NRXN1: variants seen among roughly 807,000 people sequenced by gnomAD.
NRXN1 encodes the protein neurexin-1.
A neutral mutation model predicts 150.9 loss-of-function variants in NRXN1; 39 were observed. That is an observed-to-expected ratio of 0.26 (90% CI 0.20 to 0.34). NRXN1 has a LOEUF of 0.34. Ranked by LOEUF, NRXN1 falls within the 10% of genes least tolerant of loss-of-function variation. NRXN1 has a pLI of 1.00. For synonymous variants in NRXN1, 924 were observed against 757.0 expected (o/e 1.22, Z -3.62); for missense variants, 1,815 against 1,949.9 (o/e 0.93, Z 1.30).
intron 2 of NRXN1, among the ~76,000 whole-genome samples, chr2:51,002,181 CTT>C (rs1700159737): frequency 6.6e-6 from 1 of 151,994 alleles, no homozygotes; most frequent in African/African-American, 2.4e-5. Context: ...ACCTTGTATG[CTT>C]TTCTCTTGTT....
chr2:49,923,475 T>G (rs547732368), intron 22 of NRXN1, among the ~76,000 whole-genome samples: 1 of 152,336 alleles, frequency 6.6e-6, no homozygotes, highest in South Asian at 2.1e-4. Context: ...AATCTCATGA[T>G]TCCATATATA....
intron 5 of NRXN1, among the ~76,000 whole-genome samples, chr2:50,916,279 G>T (rs535035590): frequency 2.9e-4 from 44 of 150,958 alleles, no homozygotes; most frequent in African/African-American, 7.7e-4. Flanking sequence ...AACACAAAGA[G>T]GGACAATATT....
chr2:50,590,100 A>C (rs1210827732), intron 8 of NRXN1, among the ~76,000 whole-genome samples: 1 of 152,236 alleles, frequency 6.6e-6, no homozygotes, highest in African/African-American at 2.4e-5. Flanking sequence ...ATAAATGAAG[A>C]CAATATGTAA....
intron 5 of NRXN1, among the ~76,000 whole-genome samples, chr2:50,905,540 T>C (rs974472772): frequency 4.6e-4 from 70 of 152,126 alleles, no homozygotes; most frequent in African/African-American, 1.5e-3. Flanking sequence ...CACATTTGTG[T>C]TGCAGCCACA....
At chr2:50,132,797 A>G (rs745582378) in intron 18 of NRXN1, among the ~76,000 whole-genome samples, 1 of 151,830 alleles carries the variant, frequency 6.6e-6, no homozygotes, top group Non-Finnish European at 1.5e-5. Context: ...CTGTGTGTAT[A>G]GAGAATAGTC....
intron 5 of NRXN1, among the ~76,000 whole-genome samples, chr2:50,688,807 C>T (rs1248668544): frequency 1.3e-5 from 2 of 151,954 alleles, no homozygotes; most frequent in East Asian, 1.9e-4. Flanking sequence ...CTGATTATAC[C>T]ATCAGTCCAA....
chr2:50,176,834 C>T (rs572688226), intron 18 of NRXN1, among the ~76,000 whole-genome samples: 1 of 152,072 alleles, frequency 6.6e-6, no homozygotes, highest in Non-Finnish European at 1.5e-5. Context: ...CATTAAGGCT[C>T]TGTTTCCTAG....
chr2:50,743,581 G>C lies in NRXN1; in HGVS notation c.833-119966C>G, dbSNP rs554505490. ...TGTTTTCCAGAAATCCAATGAGAAA[G>C]GTAATTTGCAGATGAAAAGAAAATG... On this transcript the variant is annotated intron_variant, in intron 5 of 22. Coordinates refer to ENST00000401669, the MANE Select transcript of NRXN1 (RefSeq NM_001330078.2). Among the ~76,000 whole-genome samples, 8 of 152,186 alleles carry C rather than the reference G, an allele frequency of 5.3e-5. 1 individual carries two copies. In the South Asian group the frequency reaches 1.5e-3, roughly 28 times the overall value.
At chr2:50,969,895 A>G (rs1164931947) in intron 2 of NRXN1, among the ~76,000 whole-genome samples, 1 of 152,184 alleles carries the variant, frequency 6.6e-6, no homozygotes, top group Non-Finnish European at 1.5e-5. Flanking sequence ...TAAAGAGGAA[A>G]TTGTCCACTT....
At chr2:50,492,751 A>T (rs2091329675) in intron 15 of NRXN1, among the ~76,000 whole-genome samples, 1 of 152,230 alleles carries the variant, frequency 6.6e-6, no homozygotes, top group Non-Finnish European at 1.5e-5. Flanking sequence ...ATGTGACTTC[A>T]GCCCAGGGCT....
chr2:49,924,155 G>A (rs1018338152), intron 22 of NRXN1, among the ~76,000 whole-genome samples: 1 of 152,138 alleles, frequency 6.6e-6, no homozygotes, highest in Non-Finnish European at 1.5e-5. Flanking sequence ...TCATTTTACA[G>A]AGCATTCTTT....
At chr2:50,868,757 G>A (rs1271093519) in intron 5 of NRXN1, among the ~76,000 whole-genome samples, 1 of 151,666 alleles carries the variant, frequency 6.6e-6, no homozygotes, top group African/African-American at 2.4e-5. Flanking sequence ...TTTCCATGTT[G>A]GCAATAGTTC....
At chr2:50,415,672 G>T (rs1172029833) in intron 17 of NRXN1, among the ~76,000 whole-genome samples, 1 of 151,914 alleles carries the variant, frequency 6.6e-6, no homozygotes, top group Non-Finnish European at 1.5e-5. Context: ...ATCAGCTAGG[G>T]TATAAAAATG....
intron 21 of NRXN1, among the ~76,000 whole-genome samples, chr2:50,007,253 G>A (rs755658253): frequency 1.1e-4 from 16 of 152,058 alleles, no homozygotes; most frequent in Non-Finnish European, 2.4e-4. Flanking sequence ...GGTTGAGGCA[G>A]GAGGATCATT....
At chr2:50,769,356 T>TAATGCACTAAC (rs1254035023) in intron 5 of NRXN1, among the ~76,000 whole-genome samples, 1 of 152,100 alleles carries the variant, frequency 6.6e-6, no homozygotes, top group East Asian at 1.9e-4. Flanking sequence ...ACCTGCTGTC[T>TAATGCACTAAC]CTCTAATGCA....
chr2:50,364,377 A>C (rs2079439253), intron 17 of NRXN1, among the ~76,000 whole-genome samples: 1 of 152,180 alleles, frequency 6.6e-6, no homozygotes, highest in Admixed American at 6.5e-5. Flanking sequence ...GTTGAAAATA[A>C]AATTCAAAGC....
intron 18 of NRXN1, among the ~76,000 whole-genome samples, chr2:50,230,348 G>GA (rs2064823542): frequency 6.6e-6 from 1 of 151,936 alleles, no homozygotes; most frequent in South Asian, 2.1e-4. Context: ...AGAAAAATGG[G>GA]AAAAATGGAC....
intron 5 of NRXN1, among the ~76,000 whole-genome samples, chr2:50,737,668 T>C (rs141741667): frequency 9.4e-4 from 143 of 152,224 alleles, no homozygotes; most frequent in Non-Finnish European, 1.9e-3. Context: ...TTTTGGATGA[T>C]CGCCCTCTAT....
intron 8 of NRXN1, among the ~76,000 whole-genome samples, chr2:50,598,599 C>T (rs1242985068): frequency 3.5e-5 from 5 of 142,560 alleles, no homozygotes; most frequent in Admixed American, 7.1e-5. Context: ...TATATATGCG[C>T]GTGTATATAT....
Sources: allele counts gnomAD v4.1 joint callset (sites outside exome capture counted in the v4.1 genomes callset), GRCh38; gene constraint gnomAD v4.1.1; transcripts MANE v1.5; gene names NCBI Gene and HGNC (gene_info 2026-07-23, HGNC 2026-07-21).